Variants in ESR1 observed in about 807,000 individuals in gnomAD.
ESR1 encodes the protein estrogen receptor.
ESR1 carries 12 observed loss-of-function variants against 52.7 expected under a neutral mutation model. The ratio of observed to expected loss-of-function variants is 0.23; its 90% CI spans 0.15 to 0.37. The LOEUF (loss-of-function observed/expected upper bound fraction) is 0.37, where lower values mean the gene tolerates loss of function less well. Ranked by LOEUF, ESR1 falls within the 10% of genes least tolerant of loss-of-function variation. ESR1 has a pLI of 1.00. For synonymous variants in ESR1, 305 were observed against 316.8 expected, an observed-to-expected ratio of 0.96 and a Z score of 0.39; for missense variants, 584 against 779.7, an observed-to-expected ratio of 0.75 and a Z score of 2.99.
At chr6:152,035,159 A>G (rs998315435) in intron 5 of ESR1, among the ~76,000 whole-genome samples, 1 of 152,178 alleles carries the variant, frequency 6.6e-6, no homozygotes, top group African/African-American at 2.4e-5. Context: ...ACATTCTTAG[A>G]TAAGAACTTC....
At position 151,670,054 on chromosome 6, in the gene ESR1, G is replaced by A. The variant is rs1777994995; in HGVS notation, n.73+13291G>A. Among the ~76,000 whole-genome samples the A allele has an allele frequency of 2.0e-5, 3 of 152,210 alleles. No individual in the cohort carries two copies. In the South Asian group the frequency reaches 6.2e-4, roughly 32 times the overall value. ...GAATAACATCTACTTTCTTTACCTG[G>A]TCCTCCAAAGGCCACCAGGGCCAGC... On this transcript the variant is annotated intron_variant and non_coding_transcript_variant, in intron 1 of 2. Coordinates refer to the ESR1 transcript ENST00000473497.
At chr6:152,112,474 G>A (rs952228725) in intron 6 of ESR1, among the ~76,000 whole-genome samples, 1 of 152,154 alleles carries the variant, frequency 6.6e-6, no homozygotes, top group Non-Finnish European at 1.5e-5. Flanking sequence ...GGCCTCTGGA[G>A]TACACAAAGG....
chr6:151,853,259 G>A (rs1271101408), intron 2 of ESR1, among the ~76,000 whole-genome samples: 5 of 151,306 alleles, frequency 3.3e-5, no homozygotes, highest in African/African-American at 1.2e-4. Flanking sequence ...TTAACTTCAG[G>A]TATTGGTAAA....
intron 2 of ESR1, among the ~76,000 whole-genome samples, chr6:151,727,837 C>T (rs989717956): frequency 2.0e-5 from 3 of 152,182 alleles, no homozygotes; most frequent in Non-Finnish European, 4.4e-5. Context: ...TGTCTCTCAC[C>T]TGCCACCATG....
intron 7 of ESR1, among the ~76,000 whole-genome samples, chr6:152,095,153 T>G (rs1753919595): frequency 6.6e-6 from 1 of 152,242 alleles, no homozygotes; most frequent in African/African-American, 2.4e-5. Flanking sequence ...CTCCATGATG[T>G]GTCCAGAGTG....
intron 6 of ESR1, among the ~76,000 whole-genome samples, chr6:152,079,850 A>T (rs2049047710): frequency 6.6e-6 from 1 of 152,246 alleles, no homozygotes; most frequent in Non-Finnish European, 1.5e-5. Flanking sequence ...TGTATGCACA[A>T]GCTTCGATAG....
intron 1 of ESR1, among the ~76,000 whole-genome samples, chr6:151,818,748 A>C (rs1003868928): frequency 6.6e-6 from 1 of 151,898 alleles, no homozygotes; most frequent in African/African-American, 2.4e-5. Context: ...TGGGCTTTCA[A>C]ACTCTAATTA....
At chr6:151,686,624 C>T (rs1410658465), upstream of ESR1, among the ~76,000 whole-genome samples, 1 of 152,112 alleles carries the variant, frequency 6.6e-6, no homozygotes, top group African/African-American at 2.4e-5. Flanking sequence ...AGAGGCGGAG[C>T]TTGCAGTGAG....
At chr6:151,707,380 T>C (rs368560145) in intron 2 of ESR1, among the ~76,000 whole-genome samples, 8 of 152,072 alleles carry the variant, frequency 5.3e-5, no homozygotes, top group East Asian at 1.9e-4. Context: ...TATATGTAAA[T>C]TAAAAAACAT....
chr6:151,657,777 T>C (rs1040667539), intron 1 of ESR1, among the ~76,000 whole-genome samples: 5 of 152,208 alleles, frequency 3.3e-5, no homozygotes, highest in African/African-American at 1.2e-4. Flanking sequence ...AAATAGCTTA[T>C]TGAAATCAAG....
intron 3 of ESR1, among the ~76,000 whole-genome samples, chr6:151,908,303 C>CT (rs1797756536): frequency 6.6e-6 from 1 of 151,794 alleles, no homozygotes; most frequent in Non-Finnish European, 1.5e-5. Context: ...CTTTTAATAC[C>CT]TGTGTGTATT....
At chr6:151,812,554 A>T (rs187809934) in intron 1 of ESR1, among the ~76,000 whole-genome samples, 1 of 152,272 alleles carries the variant, frequency 6.6e-6, no homozygotes, top group East Asian at 1.9e-4. Context: ...ATGAATTTTA[A>T]TTATATTTTT....
chr6:151,848,930 A>T (rs1310029237), intron 2 of ESR1, among the ~76,000 whole-genome samples: 1 of 152,066 alleles, frequency 6.6e-6, no homozygotes, highest in Non-Finnish European at 1.5e-5. Flanking sequence ...ACTGTACTCC[A>T]GGCACACCAG....
chr6:151,956,885 T>G (rs1382412958), intron 4 of ESR1, among the ~76,000 whole-genome samples: 2 of 144,432 alleles, frequency 1.4e-5, no homozygotes, highest in Non-Finnish European at 3.0e-5. Context: ...TATATAAAAT[T>G]TTTTTTTTTG....
intron 6 of ESR1, among the ~76,000 whole-genome samples, chr6:152,086,462 C>A (rs928782376): frequency 1.3e-5 from 2 of 149,346 alleles, no homozygotes; most frequent in African/African-American, 4.9e-5. Flanking sequence ...ATATTTCTTA[C>A]AAAAATTAAA....
At chr6:151,712,872 A>G (rs571845637) in intron 2 of ESR1, among the ~76,000 whole-genome samples, 2 of 152,244 alleles carry the variant, frequency 1.3e-5, no homozygotes, top group South Asian at 2.1e-4. Flanking sequence ...TTCCAATACT[A>G]TGTTGAATAG....
At chr6:151,750,188 A>G (rs577961741) in intron 2 of ESR1, among the ~76,000 whole-genome samples, 1 of 152,182 alleles carries the variant, frequency 6.6e-6, no homozygotes, top group East Asian at 1.9e-4. Context: ...AAAAAAATTC[A>G]GCTCTGGTTA....
intron 6 of ESR1, among the ~76,000 whole-genome samples, chr6:152,070,061 A>G (rs1427922438): frequency 2.2e-5 from 3 of 137,612 alleles, no homozygotes; most frequent in Non-Finnish European, 4.5e-5. Context: ...TCATCAAGTC[A>G]CTGGACCTCT....
intron 4 of ESR1, among the ~76,000 whole-genome samples, chr6:151,971,545 T>C (rs2038912506): frequency 6.6e-6 from 1 of 152,136 alleles, no homozygotes; most frequent in South Asian, 2.1e-4. Context: ...AATAGCCTGC[T>C]CCTGAATGAT....
Sources: gnomAD v4.1 joint callset for allele counts (sites outside exome capture counted in the v4.1 genomes callset) on GRCh38, gnomAD v4.1.1 for gene constraint, MANE v1.5 for transcripts, NCBI Gene and HGNC (gene_info 2026-07-23, HGNC 2026-07-21) for gene names.